CSMD1: variants seen among roughly 807,000 people sequenced by gnomAD.
CSMD1 encodes CUB and Sushi multiple domains 1.
CSMD1 carries 213 observed loss-of-function variants against 417.5 expected under a neutral mutation model. That is an observed-to-expected ratio of 0.51 (90% CI 0.46 to 0.57). The LOEUF (loss-of-function observed/expected upper bound fraction) is 0.57, where lower values mean the gene tolerates loss of function less well. Ranked by LOEUF, CSMD1 falls within the 20% of genes least tolerant of loss-of-function variation. The pLI is 0.00. For synonymous variants in CSMD1, 2,862 were observed against 1,736.8 expected (o/e 1.65, Z -16.11); for missense variants, 6,923 against 4,529.7 (o/e 1.53, Z -15.17).
At chr8:3,191,160 C>G (rs778842671) in intron 33 of CSMD1, among the ~76,000 whole-genome samples, 25 of 152,276 alleles carry the variant, frequency 1.6e-4, no homozygotes, top group Non-Finnish European at 3.1e-4. Context: ...GAGCTCAAAT[C>G]CTAACAAGCC....
chr8:4,951,194 C>T (rs1268535427), intron 1 of CSMD1, among the ~76,000 whole-genome samples: 2 of 152,180 alleles, frequency 1.3e-5, no homozygotes, highest in African/African-American at 4.8e-5. Context: ...TCATGGTAGC[C>T]TGCAACATTC....
intron 3 of CSMD1, among the ~76,000 whole-genome samples, chr8:4,266,821 T>G (rs1804258564): frequency 9.6e-6 from 1 of 103,886 alleles, no homozygotes; most frequent in African/African-American, 2.6e-5. Flanking sequence ...TTGTGATGAC[T>G]TTTCATTTAC....
intron 7 of CSMD1, among the ~76,000 whole-genome samples, chr8:3,686,819 C>G (rs1274521377): frequency 6.6e-6 from 1 of 152,172 alleles, no homozygotes; most frequent in African/African-American, 2.4e-5. Context: ...ATGAGGGCTC[C>G]CAGGCCACAT....
chr8:3,889,409 C>T (rs1806789398), intron 5 of CSMD1, among the ~76,000 whole-genome samples: 1 of 133,072 alleles, frequency 7.5e-6, no homozygotes, highest in Non-Finnish European at 1.6e-5. Flanking sequence ...TTAAATAATG[C>T]CTTCCACATT....
Position 3,412,071 on chromosome 8 carries a change from CATATAT to C in CSMD1, c.1562-2472_1562-2467del, listed in dbSNP as rs1231229859. Among the ~76,000 whole-genome samples the C allele has an allele frequency of 2.3e-4, 12 of 51,214 alleles. 2 individuals are homozygous for C. Among genetic ancestry groups the C allele is most frequent in the Admixed American group, 2.7e-4 (1 of 3,658 alleles). 33.6% of individuals were successfully genotyped at this position (51,214 alleles called of 152,430 possible). ...ACGTATATATACACACGTATATATACATATATACATATATATACACACGTATATATA... is the reference window on the plus strand; with the variant it reads ...ACGTATATATACACACGTATATATACACATATATATACACACGTATATATA... On this transcript the variant is annotated intron_variant, in intron 12 of 69. Transcript: ENST00000635120.
chr8:4,425,608 A>G lies in CSMD1; in HGVS notation c.303-5543T>C, dbSNP rs555504619. Among the ~76,000 whole-genome samples the G allele has an allele frequency of 2.0e-5, 3 of 152,264 alleles. No individual in the cohort carries two copies. The East Asian group carries it at 5.8e-4, about 29-fold the overall frequency. On this transcript the variant is annotated intron_variant, in intron 2 of 69. Coordinates refer to ENST00000635120, the MANE Select transcript of CSMD1 (RefSeq NM_033225.6). ...AAGACATGAAAGTACTTCTGTGAGT[A>G]TCCTTTCCATGAGGGCCCTTGCGAT...
intron 10 of CSMD1, among the ~76,000 whole-genome samples, chr8:3,551,462 A>G (rs1276364533): frequency 2.0e-5 from 3 of 152,016 alleles, no homozygotes; most frequent in Admixed American, 6.6e-5. Context: ...AGAAAAGAAC[A>G]TATTTTACCA....
At chr8:3,642,888 TAC>T (rs1051059586) in intron 7 of CSMD1, among the ~76,000 whole-genome samples, 6 of 151,742 alleles carry the variant, frequency 4.0e-5, no homozygotes, top group Non-Finnish European at 4.4e-5. Context: ...AGATTATACA[TAC>T]ACACACATAT....
intron 3 of CSMD1, among the ~76,000 whole-genome samples, chr8:4,233,757 A>C (rs2128816044): frequency 6.6e-6 from 1 of 152,348 alleles, no homozygotes; most frequent in South Asian, 2.1e-4. Context: ...ATCTCTGTTG[A>C]AATGCACAAA....
At chr8:3,141,311 C>A (rs1245025814) in intron 41 of CSMD1, among the ~76,000 whole-genome samples, 1 of 152,170 alleles carries the variant, frequency 6.6e-6, no homozygotes, top group African/African-American at 2.4e-5. Flanking sequence ...CAGACCTAAC[C>A]AACTCCATCT....
intron 1 of CSMD1, among the ~76,000 whole-genome samples, chr8:4,666,452 G>T (rs77295379): frequency 0.037 from 5,616 of 152,136 alleles, 109 homozygotes; most frequent in East Asian, 0.088. Context: ...CAAGCAATGT[G>T]GGCAGCCTCT....
intron 3 of CSMD1, among the ~76,000 whole-genome samples, chr8:4,153,834 A>C (rs927601829): frequency 2.0e-5 from 3 of 152,212 alleles, no homozygotes; most frequent in African/African-American, 4.8e-5. Context: ...GGAACGTCAC[A>C]TGCAAGTGGT....
intron 3 of CSMD1, among the ~76,000 whole-genome samples, chr8:4,043,501 A>G (rs1377969601): frequency 2.0e-5 from 3 of 152,242 alleles, no homozygotes; most frequent in African/African-American, 7.2e-5. Flanking sequence ...AGTATTTTAA[A>G]TACAAACAGA....
At chr8:3,625,505 A>C (rs1182273006) in intron 7 of CSMD1, among the ~76,000 whole-genome samples, 1 of 152,142 alleles carries the variant, frequency 6.6e-6, no homozygotes, top group Non-Finnish European at 1.5e-5. Flanking sequence ...ATCATAATTC[A>C]TATGCCCCAA....
rs186613556 is a variant in CSMD1 at position 3,884,414 on chromosome 8, G to C, written c.818+113489C>G. On this transcript the variant is annotated intron_variant, in intron 5 of 69. Coordinates refer to ENST00000635120, the MANE Select transcript of CSMD1 (RefSeq NM_033225.6). ...AGTGGCATCTTCTAGCACAAATCTT[G>C]TTACAAGGGACACAGAAAGACACCA... 2.3e-3 allele frequency among the ~76,000 whole-genome samples: 339 copies of C among 147,312 alleles called. No individual in the cohort carries two copies. In the Middle Eastern group the frequency reaches 0.027, roughly 12 times the overall value.
chr8:3,354,830 CAT>C (rs1406475786), intron 21 of CSMD1, among the ~76,000 whole-genome samples: 1 of 74,596 alleles, frequency 1.3e-5, no homozygotes, highest in African/African-American at 7.7e-5. Context: ...TCTATAGATA[CAT>C]ATATAGATAC....
chr8:3,109,969 C>A (rs1403271553), intron 43 of CSMD1, among the ~76,000 whole-genome samples, 189 bp downstream of exon 43: 1 of 152,068 alleles, frequency 6.6e-6, no homozygotes, highest in Non-Finnish European at 1.5e-5. Flanking sequence ...CTATTTCTAC[C>A]ATGTAGCAAA....
intron 9 of CSMD1, among the ~76,000 whole-genome samples, chr8:3,576,217 G>C (rs908991706): frequency 7.9e-5 from 12 of 151,684 alleles, no homozygotes; most frequent in African/African-American, 2.9e-4. Context: ...CTGAACGCAG[G>C]TTTTCCAAAG....
intron 5 of CSMD1, among the ~76,000 whole-genome samples, chr8:3,941,763 C>G (rs1045489880): frequency 6.6e-6 from 1 of 152,122 alleles, no homozygotes; most frequent in Non-Finnish European, 1.5e-5. Flanking sequence ...AGCATGGACA[C>G]ACACAATTCT....
Sources: gnomAD v4.1 joint callset for allele counts (sites outside exome capture counted in the v4.1 genomes callset) on GRCh38, gnomAD v4.1.1 for gene constraint, MANE v1.5 for transcripts, NCBI Gene and HGNC (gene_info 2026-07-23, HGNC 2026-07-21) for gene names.